The following DDX42 variants were observed in gnomAD, a reference collection of about 807,000 sequenced individuals.
DDX42 encodes ATP-dependent RNA helicase DDX42.
Under a neutral mutation model 101.5 loss-of-function variants are expected in DDX42, and 22 were observed. That is an observed-to-expected ratio of 0.22 (90% CI 0.15 to 0.31). The LOEUF (loss-of-function observed/expected upper bound fraction) is 0.31, where lower values mean the gene tolerates loss of function less well. DDX42 is among the 10% of genes least tolerant of loss of function. The probability of loss-of-function intolerance (pLI) is 1.00; values close to 1 mark genes in which losing one functional copy is unlikely to be tolerated. For missense variants in DDX42, 849 were observed against 1,199.9 expected (o/e 0.71, Z 4.32); for synonymous variants, 402 against 401.2 (o/e 1.00, Z -0.02).
intron 8 of DDX42, among the ~76,000 whole-genome samples, chr17:63,807,396 C>G (rs2039855767): frequency 6.6e-6 from 1 of 152,244 alleles, no homozygotes; most frequent in African/African-American, 2.4e-5. Context: ...CCACCTCGGC[C>G]TCCCAAAGTG....
intron 3 of DDX42, among the ~76,000 whole-genome samples, chr17:63,796,775 C>G (rs1490535800): frequency 6.6e-6 from 1 of 152,186 alleles, no homozygotes; most frequent in Admixed American, 6.5e-5. Flanking sequence ...CTTATGTCAT[C>G]TTCAGTTTAT....
intron 17 of DDX42, chr17:63,817,305 T>C: frequency 3.0e-6 from 1 of 333,574 alleles, no homozygotes; most frequent in Non-Finnish European, 5.5e-6. Context: ...AATTTACTGA[T>C]AGTCACACTA....
At chr17:63,794,970 T>A (rs904496400) in intron 3 of DDX42, among the ~76,000 whole-genome samples, 4 of 151,738 alleles carry the variant, frequency 2.6e-5, no homozygotes, top group African/African-American at 9.7e-5. Flanking sequence ...TGTCACTTAA[T>A]TAGTTATGAA....
chr17:63,800,132 T>A (rs2039744596), intron 5 of DDX42: 2 of 235,094 alleles, frequency 8.5e-6, no homozygotes, highest in African/African-American at 4.5e-5. Context: ...AGCGTTAACT[T>A]CCAAACTTGG....
intron 14 of DDX42, among the ~76,000 whole-genome samples, chr17:63,812,548 TAACTC>T (rs2039923569): frequency 2.6e-5 from 4 of 152,358 alleles, no homozygotes; most frequent in South Asian, 2.1e-4. Context: ...TTGGGCAACT[TAACTC>T]AGGATGAGAA....
chr17:63,787,109 C>T lies in DDX42; in HGVS notation c.60C>T (p.Ala20=). 6.2e-7 allele frequency: 1 copy of T among 1,614,166 alleles called. No homozygotes were observed. The highest frequency in any genetic ancestry group is 8.5e-7 in the Non-Finnish European group (1 of 1,180,034). Residue 20 remains alanine, a synonymous_variant, in exon 2 of 18, where the codon GCC becomes GCT. Transcript: ENST00000389924. ...TKRGFGFGGF[A]ISAGKKEEPK... ...GAGGATTTGGCTTTGGAGGTTTTGC[C>T]ATCAGTGCTGGGAAAAAGGAGGAAC...
rs930883779 is a variant in DDX42 at position 63,787,211 on chromosome 17, A to G, written c.162A>G (p.Pro54=). ...CTGGATTTGGAAAGTCAGCTCCACC[A>G]CAGCTTCCTTCTTTCTACAAAATTG... ...SSSGFGKSAP[P]QLPSFYKIGS... Residue 54 remains proline (P), a synonymous_variant, in exon 2 of 18, where the codon CCA becomes CCG. Coordinates refer to ENST00000389924, the MANE Select transcript of DDX42 (RefSeq NM_203499.3). 3 of 1,614,164 alleles carry G rather than the reference A, an allele frequency of 1.9e-6. No homozygotes were observed. In the South Asian group the frequency reaches 3.3e-5, roughly 18 times the overall value.
chr17:63,781,065 A>G (rs1026691407), intron 1 of DDX42, among the ~76,000 whole-genome samples: 1 of 152,140 alleles, frequency 6.6e-6, no homozygotes, highest in African/African-American at 2.4e-5. Context: ...TCATTGATAA[A>G]CAGCCTACAA....
intron 11 of DDX42, 122 bp downstream of exon 11, chr17:63,809,781 C>CCTG: frequency 1.4e-6 from 1 of 701,862 alleles, no homozygotes; most frequent in Non-Finnish European, 2.4e-6. Flanking sequence ...TGGGGTTAGA[C>CCTG]TATAGAAATA....
At position 63,788,916 on chromosome 17, in the gene DDX42, A is replaced by G. The variant is rs573179081; in HGVS notation, c.221+1646A>G. On this transcript the variant is annotated intron_variant, in intron 2 of 17. Transcript: ENST00000389924. ...GTTTTGTTTTTGTTGTTGTTTTGAG[A>G]TAGGGTCTCACTCTGTCACCCAGGC... Among the ~76,000 whole-genome samples the G allele has an allele frequency of 2.3e-4, 35 of 151,356 alleles. No individual in the cohort carries two copies. The South Asian group carries it at 7.1e-3, about 31-fold the overall frequency.
chr17:63,811,129 A>G lies in DDX42; in HGVS notation c.1354A>G (p.Ile452Val). The G allele has an allele frequency of 6.2e-7, 1 of 1,614,212 alleles. No individual in the cohort carries two copies. ...GAAGATTGAAAAGTTGGCCAGAGAC[A>G]TCCTGATCGACCCTATTCGAGTGGT... is the stretch of plus-strand genomic sequence containing the variant. Reference protein sequence around the residue: ...RKKIEKLARDILIDPIRVVQG... With the variant: ...RKKIEKLARDVLIDPIRVVQG... Residue 452 changes from isoleucine to valine, a missense_variant, in exon 13 of 18, where the codon ATC becomes GTC. This residue lies in a region of DDX42 where 370 missense variants were observed against 608.8 expected (regional missense o/e 0.61). Transcript: ENST00000389924.
intron 7 of DDX42, 108 bp downstream of exon 7, chr17:63,805,283 T>A: frequency 7.4e-7 from 1 of 1,357,350 alleles, no homozygotes; most frequent in Non-Finnish European, 1.0e-6. Flanking sequence ...TAATGGTCTC[T>A]GAACTGTCTT....
intron 2 of DDX42, among the ~76,000 whole-genome samples, chr17:63,791,615 C>T (rs547907523): frequency 6.6e-6 from 1 of 152,174 alleles, no homozygotes; most frequent in Non-Finnish European, 1.5e-5. Flanking sequence ...CTGGCCTGAA[C>T]ATTTATTTTC....
At chr17:63,785,463 C>CA (rs1293073295) in intron 1 of DDX42, among the ~76,000 whole-genome samples, 1 of 146,740 alleles carries the variant, frequency 6.8e-6, no homozygotes, top group African/African-American at 2.5e-5. Flanking sequence ...AAACAAAAAA[C>CA]AAAAAAATTT....
intron 1 of DDX42, among the ~76,000 whole-genome samples, chr17:63,780,290 G>T (rs1462499479): frequency 8.8e-6 from 1 of 114,266 alleles, no homozygotes; most frequent in Admixed American, 8.7e-5. Flanking sequence ...GAGCGAAACT[G>T]TCTCAAAAAA....
rs545739006 is a variant in DDX42, at chr17:63,811,198, G to C, written c.1398+25G>C. 1.4e-5 allele frequency: 21 copies of C among 1,523,274 alleles called. 1 individual carries two copies. The highest frequency in any genetic ancestry group is 1.9e-5 in the Non-Finnish European group (21 of 1,108,212). 94.4% of individuals were successfully genotyped at this position (1,523,274 alleles called of 1,614,324 possible). A position where few individuals can be genotyped will look rare whatever the true frequency, so the allele number is the denominator to read the frequency against. ...GGTAACCCTAAGCAGGGCTGGATGG[G>C]ACCTTAATGGGTTTATTTCTCATAT... On this transcript the variant is annotated intron_variant, in intron 13 of 17. Transcript: ENST00000389924.
chr17:63,777,683 CG>C (rs2039437860), intron 1 of DDX42, among the ~76,000 whole-genome samples: 2 of 151,000 alleles, frequency 1.3e-5, no homozygotes, highest in African/African-American at 4.9e-5. Flanking sequence ...CTCCTGACTT[CG>C]TGATCCACCC....
intron 13 of DDX42, 149 bp from the exon 14 acceptor site, chr17:63,811,783 T>C: frequency 1.0e-6 from 1 of 984,656 alleles, no homozygotes; most frequent in Non-Finnish European, 1.5e-6. Context: ...GAGGTGAGTT[T>C]TGAGCTGCAC....
intron 1 of DDX42, among the ~76,000 whole-genome samples, chr17:63,781,058 T>C (rs745658384): frequency 8.5e-5 from 13 of 152,174 alleles, no homozygotes; most frequent in Non-Finnish European, 1.5e-4. Context: ...CTTCCTATCA[T>C]TGATAAACAG....
Sources: gnomAD v4.1 joint callset for allele counts (sites outside exome capture counted in the v4.1 genomes callset) on GRCh38, gnomAD v4.1.1 for gene constraint, gnomAD v4.1.1 regional missense constraint, MANE v1.5 for transcripts, NCBI Gene and HGNC (gene_info 2026-07-23, HGNC 2026-07-21) for gene names.